NRIP2: variants seen among roughly 807,000 people sequenced by gnomAD.
NRIP2 encodes nuclear receptor-interacting protein 2.
In NRIP2, 27 loss-of-function variants were observed where a neutral mutation model predicts 34.1. The ratio of observed to expected loss-of-function variants is 0.79; its 90% CI spans 0.58 to 1.09. The LOEUF is 1.09. Ranked by LOEUF, NRIP2 falls within the 50% of genes least tolerant of loss-of-function variation. The pLI is 0.00. For synonymous variants in NRIP2, 145 were observed against 146.9 expected, an observed-to-expected ratio of 0.99 and a Z score of 0.09; for missense variants, 385 against 352.6, an observed-to-expected ratio of 1.09 and a Z score of -0.74.
At position 2,827,015 on chromosome 12, in the gene NRIP2, G is replaced by A. The variant is rs956134151; in HGVS notation, c.*192C>T. 7.2e-5 allele frequency: 101 copies of A among 1,412,138 alleles called. No individual in the cohort carries two copies. The African/African-American group carries it at 1.4e-3, about 19-fold the overall frequency. 87.5% of individuals were successfully genotyped at this position (1,412,138 alleles called of 1,614,324 possible). A position where few individuals can be genotyped will look rare whatever the true frequency, so the allele number is the denominator to read the frequency against. On this transcript the variant is annotated 3_prime_UTR_variant, in exon 6 of 6. Coordinates refer to ENST00000337508, the MANE Select transcript of NRIP2 (RefSeq NM_031474.3). The surrounding 1 kb of genome is among the most constrained non-coding windows in gnomAD (Gnocchi z 4.0). ...GCCCTCTAGTGAAAACTCGTCCTGG[G>A]GAGTAGGACAGCTGCTGAGAAGCAG... is the stretch of plus-strand genomic sequence containing the variant.
Position 2,827,847 on chromosome 12 carries a change from G to C in NRIP2, c.700+79C>G, listed in dbSNP as rs4765998. ...CTGGGAACTCCTCGTGCTGCAGGGA[G>C]TGAAAGTCTCAGCCTTTGCCCCACC... On this transcript the variant is annotated intron_variant, in intron 4 of 5. Transcript: ENST00000337508. This position sits in a 1 kb window ranked among gnomAD's most constrained non-coding sequence, Gnocchi z 4.0. 367,532 of 1,608,534 alleles carry C rather than the reference G, an allele frequency of 0.23. 44,978 individuals are homozygous for C. Among genetic ancestry groups the C allele is most frequent in the African/African-American group, 0.45 (33,881 of 74,828 alleles).
chr12:2,827,765 A>G lies in NRIP2; in HGVS notation c.701-88T>C. 7 of 1,609,270 alleles carry G rather than the reference A, an allele frequency of 4.3e-6. No individual in the cohort carries two copies. In the Admixed American group the frequency reaches 8.4e-5, roughly 19 times the overall value. On this transcript the variant is annotated intron_variant, in intron 4 of 5. Coordinates refer to ENST00000337508, the MANE Select transcript of NRIP2 (RefSeq NM_031474.3). The surrounding 1 kb of genome is among the most constrained non-coding windows in gnomAD (Gnocchi z 4.0). ...CTTAGCCGTTGCTCCTTCTCTGCCC[A>G]CCCCATCCCCAGATCCGAGGACACT...
At chr12:2,829,171 G>A (rs538563814) in intron 2 of NRIP2, among the ~76,000 whole-genome samples, 1 of 152,286 alleles carries the variant, frequency 6.6e-6, no homozygotes, top group Non-Finnish European at 1.5e-5. Context: ...CTCCTGGTTC[G>A]AAAACTCCAG....
chr12:2,827,681 T>C lies in NRIP2; in HGVS notation c.701-4A>G, dbSNP rs1415964328. 6.2e-7 allele frequency: 1 copy of C among 1,614,070 alleles called. No homozygotes were observed. Among genetic ancestry groups the C allele is most frequent in the South Asian group, 1.1e-5 (1 of 91,072 alleles). ...CAGAATTCAGGACTCTCAGCATCTATAGGAACAATTTGAAAACAGAAGAGG... is the reference window on the plus strand; with the variant it reads ...CAGAATTCAGGACTCTCAGCATCTACAGGAACAATTTGAAAACAGAAGAGG... On this transcript the variant is annotated splice_polypyrimidine_tract_variant and splice_region_variant and intron_variant, in intron 4 of 5. Transcript: ENST00000337508. This position sits in a 1 kb window ranked among gnomAD's most constrained non-coding sequence, Gnocchi z 4.0.
intron 1 of NRIP2, among the ~76,000 whole-genome samples, chr12:2,832,542 A>G (rs901988357): frequency 1.3e-5 from 2 of 151,848 alleles, no homozygotes; most frequent in Non-Finnish European, 1.5e-5. Flanking sequence ...TGTACATCCT[A>G]TAATGCAGGA....
Position 2,827,580 on chromosome 12 carries a change from ACTT to A in NRIP2, c.753+42_753+44del, listed in dbSNP as rs757764325. The A allele has an allele frequency of 3.5e-5, 57 of 1,613,764 alleles. No homozygotes were observed. The African/African-American group carries it at 6.7e-4, about 19-fold the overall frequency. On this transcript the variant is annotated intron_variant, in intron 5 of 5. Transcript: ENST00000337508. This position sits in a 1 kb window ranked among gnomAD's most constrained non-coding sequence, Gnocchi z 4.0. ...AGGTTCCACACCTGTGCCTTCTACT[ACTT>A]TTTCCCAGTGCTTTGGGTCAGGCCC...
intron 2 of NRIP2, chr12:2,830,462 T>A: frequency 3.2e-5 from 14 of 434,402 alleles, no homozygotes; most frequent in South Asian, 1.3e-4. Context: ...TTACTTAATT[T>A]AAGTATTGTA....
chr12:2,827,204 C>A lies in NRIP2; in HGVS notation c.*3G>T. 6.2e-7 allele frequency: 1 copy of A among 1,614,080 alleles called. No individual in the cohort carries two copies. The highest frequency in any genetic ancestry group is 8.5e-7 in the Non-Finnish European group (1 of 1,180,006). On this transcript the variant is annotated 3_prime_UTR_variant, in exon 6 of 6. Transcript: ENST00000337508. This position sits in a 1 kb window ranked among gnomAD's most constrained non-coding sequence, Gnocchi z 4.0. ...TCCCTCTGGGGACTGACTGAGACAG[C>A]AGTCACTGGCCAGGCTCTTGGTACA...
rs2097968309 is a variant in NRIP2, at chr12:2,826,589, A to G, written c.*618T>C. 6.5e-6 allele frequency: 1 copy of G among 152,794 alleles called. No individual in the cohort carries two copies. The highest frequency in any genetic ancestry group is 1.5e-5 in the Non-Finnish European group (1 of 68,498). The allele number at this position is 152,794 out of a possible 1,614,324, so 9.5% of individuals were successfully genotyped here. Reference sequence around the variant, plus strand: ...TAACTGGCTTCAGACATTTGCAGCCACAGGAAAAAATAGCTCTCAGCCTTA... The same window carrying G: ...TAACTGGCTTCAGACATTTGCAGCCGCAGGAAAAAATAGCTCTCAGCCTTA... On this transcript the variant is annotated 3_prime_UTR_variant, in exon 6 of 6. Coordinates refer to ENST00000337508, the MANE Select transcript of NRIP2 (RefSeq NM_031474.3).
At chr12:2,834,596 A>G (rs1364923974) in intron 1 of NRIP2, 46 bp downstream of exon 1, 1 of 1,525,638 alleles carries the variant, frequency 6.6e-7, no homozygotes, top group Admixed American at 2.2e-5. Flanking sequence ...TGGGAAGTGG[A>G]AGGAAAAGGC....
At position 2,834,696 on chromosome 12, in the gene NRIP2, C is replaced by T. The variant is rs750490097; in HGVS notation, c.288G>A (p.Ser96=). 16 of 1,613,626 alleles carry T rather than the reference C, an allele frequency of 9.9e-6. No homozygotes were observed. Among genetic ancestry groups the T allele is most frequent in the Admixed American group, 3.3e-5 (2 of 59,966 alleles). The change falls in exon 1 of 6, where the codon TCG becomes TCA. Residue 96 remains serine (S), a synonymous_variant. Transcript: ENST00000337508. The part of the protein sequence containing the change: ...KQATQFLHKD[S]ADLLPLDSLK... Reference sequence around the variant, plus strand: ...GGCTGTCCAGCGGGAGCAGGTCGGCCGAGTCCTTGTGCAGGAACTGGGTGG... The same window carrying T: ...GGCTGTCCAGCGGGAGCAGGTCGGCTGAGTCCTTGTGCAGGAACTGGGTGG...
At chr12:2,828,181 CTCTGCCAGAG>C (rs2097979259) in intron 3 of NRIP2, 134 bp from the exon 4 acceptor site, 2 of 1,164,630 alleles carry the variant, frequency 1.7e-6, no homozygotes, top group Non-Finnish European at 2.5e-6. Flanking sequence ...TCCTTGCCTT[CTCTGCCAGAG>C]TCTTCTAGCC....
intron 2 of NRIP2, among the ~76,000 whole-genome samples, chr12:2,829,244 C>G (rs1021855919): frequency 6.6e-6 from 1 of 152,090 alleles, no homozygotes; most frequent in Non-Finnish European, 1.5e-5. Context: ...ATATGAGTAA[C>G]CAAGAAGTTC....
Position 2,835,013 on chromosome 12 carries a change from C to T in NRIP2, c.-30G>A. 5 of 1,522,672 alleles carry T rather than the reference C, an allele frequency of 3.3e-6. No individual in the cohort carries two copies. The highest frequency in any genetic ancestry group is 1.4e-5 in the African/African-American group (1 of 72,824). 94.3% of individuals were successfully genotyped at this position (1,522,672 alleles called of 1,614,324 possible). The stretch of plus-strand genomic sequence containing the variant: ...GAGCAGCCGCGTCAGTCTCCAATTT[C>T]CCGAGATTGCTGTAGAGGGAGTGAG... On this transcript the variant is annotated 5_prime_UTR_variant, in exon 1 of 6. Coordinates refer to ENST00000337508, the MANE Select transcript of NRIP2 (RefSeq NM_031474.3).
chr12:2,827,332 C>T lies in NRIP2; in HGVS notation c.754-33G>A. ...GTGTAGAGCAGTCATGCCAGGTCAC[C>T]TCAGCCCGCCACCTGCCTCCCGGCC... On this transcript the variant is annotated intron_variant, in intron 5 of 5. Transcript: ENST00000337508. This position sits in a 1 kb window ranked among gnomAD's most constrained non-coding sequence, Gnocchi z 4.0. 1 of 1,594,966 alleles carries T rather than the reference C, an allele frequency of 6.3e-7. No individual in the cohort carries two copies. Among genetic ancestry groups the T allele is most frequent in the Non-Finnish European group, 8.5e-7 (1 of 1,172,308 alleles).
chr12:2,834,786 C>T lies in NRIP2; in HGVS notation c.198G>A (p.Thr66=), dbSNP rs754716344. 14 of 1,613,794 alleles carry T rather than the reference C, an allele frequency of 8.7e-6. No individual in the cohort carries two copies. Among genetic ancestry groups the T allele is most frequent in the South Asian group, 3.3e-5 (3 of 91,062 alleles). ...EARRDEGEAR[T]RGQEAQLRDR... ...CTCGAAGCTGTGCCTCCTGCCCCCT[C>T]GTCCTGGCTTCTCCCTCATCTCTCC... Residue 66 remains threonine (T), a synonymous_variant, in exon 1 of 6, where the codon ACG becomes ACA. Coordinates refer to ENST00000337508, the MANE Select transcript of NRIP2 (RefSeq NM_031474.3).
chr12:2,832,161 G>A (rs564389557), intron 1 of NRIP2, among the ~76,000 whole-genome samples: 24 of 152,090 alleles, frequency 1.6e-4, no homozygotes, highest in Admixed American at 9.2e-4. Context: ...AAGATCCCCA[G>A]GTGATTCATG....
At chr12:2,832,690 T>C (rs1429990219) in intron 1 of NRIP2, among the ~76,000 whole-genome samples, 4 of 150,552 alleles carry the variant, frequency 2.7e-5, no homozygotes, top group East Asian at 2.0e-4. Flanking sequence ...CCCATTAGCC[T>C]GGAGAGCGCT....
chr12:2,830,619 C>T, intron 2 of NRIP2, 89 bp downstream of exon 2: 2 of 1,389,938 alleles, frequency 1.4e-6, no homozygotes. Flanking sequence ...CTCCCTCCCT[C>T]TCCCATCAGG....
Sources: allele counts gnomAD v4.1 joint callset (sites outside exome capture counted in the v4.1 genomes callset), GRCh38; gene constraint gnomAD v4.1.1; non-coding constraint Gnocchi (gnomAD v3.1); transcripts MANE v1.5; gene names NCBI Gene and HGNC (gene_info 2026-07-23, HGNC 2026-07-21).